Variants in ATP1A4 observed in about 807,000 individuals in gnomAD.
ATP1A4 encodes sodium/potassium-transporting ATPase subunit alpha-4.
A neutral mutation model predicts 114.3 loss-of-function variants in ATP1A4; 90 were observed. The observed-to-expected ratio is 0.79, with a 90% CI of 0.66 to 0.94. The LOEUF is 0.94. ATP1A4 is among the 40% of genes least tolerant of loss of function. The pLI is 0.00. For synonymous variants in ATP1A4, 511 were observed against 494.1 expected, an observed-to-expected ratio of 1.03 and a Z score of -0.45; for missense variants, 1,222 against 1,313.6, an observed-to-expected ratio of 0.93 and a Z score of 1.08.
rs371105909 is a variant in ATP1A4 at position 160,181,998 on chromosome 1, G to A, written c.2936G>A (p.Gly979Asp). 1.3e-5 allele frequency: 21 copies of A among 1,614,010 alleles called. No homozygotes were observed. The highest frequency in any genetic ancestry group is 1.7e-5 in the Non-Finnish European group (20 of 1,180,014). ...LLAAFLSYTP[G>D]MDVALRMYPL... is the part of the protein sequence containing the mutation. ...GCTGCATTTCTGTCCTACACTCCAG[G>A]CATGGACGTGGCCCTGCGAATGTAC... Residue 979 changes from glycine (G) to aspartate (D), a missense_variant, in exon 20 of 22, where the codon GGC (glycine) becomes GAC (aspartate). Gly to Asp is a moderately conservative substitution (Grantham distance 94, BLOSUM62 -1). Transcript: ENST00000368081.
intron 18 of ATP1A4, among the ~76,000 whole-genome samples, chr1:160,179,435 C>T (rs1292354426): frequency 6.6e-6 from 1 of 152,126 alleles, no homozygotes; most frequent in African/African-American, 2.4e-5. Flanking sequence ...GTTAAGAATT[C>T]CCCCCTGCAC....
chr1:160,186,623 G>GCC, intron 21 of ATP1A4, 48 bp from the exon 22 acceptor site: 1 of 1,594,854 alleles, frequency 6.3e-7, no homozygotes, highest in Non-Finnish European at 8.6e-7. Flanking sequence ...TCCCCTGGAT[G>GCC]CCTCTAATTC....
At chr1:160,157,368 C>T (rs1029184879) in intron 4 of ATP1A4, among the ~76,000 whole-genome samples, 1 of 152,132 alleles carries the variant, frequency 6.6e-6, no homozygotes, top group Non-Finnish European at 1.5e-5. Flanking sequence ...GCCTTGGTGT[C>T]TGTTTTTCCC....
intron 18 of ATP1A4, among the ~76,000 whole-genome samples, chr1:160,179,583 G>C (rs1215064934): frequency 6.6e-6 from 1 of 152,216 alleles, no homozygotes; most frequent in Admixed American, 6.5e-5. Context: ...CACCCGGGAA[G>C]TGCATGATGC....
At chr1:160,165,763 G>A (rs1653008089) in intron 7 of ATP1A4, among the ~76,000 whole-genome samples, 1 of 152,018 alleles carries the variant, frequency 6.6e-6, no homozygotes, top group Non-Finnish European at 1.5e-5. Flanking sequence ...AAGAACTATT[G>A]GTCCAACACC....
intron 4 of ATP1A4, among the ~76,000 whole-genome samples, chr1:160,157,070 C>CAG (rs1042938028): frequency 6.8e-6 from 1 of 147,442 alleles, no homozygotes; most frequent in East Asian, 2.0e-4. Context: ...AGCCTGGTGA[C>CAG]AGACAGAGAC....
rs372312651 is a variant in ATP1A4, at chr1:160,167,077, G to A, written c.1356G>A (p.Lys452=). ...KANQEILPIA[K]RATTGDASES... is the part of the protein sequence containing the mutation. ...ATCAGGAGATCCTGCCCATTGCTAA[G>A]GTGTCAGGCCCAAGGGGAAGAGGGT... The change falls in exon 9 of 22, where the codon AAG becomes AAA. Residue 452 remains lysine, a splice_region_variant and synonymous_variant. Coordinates refer to ENST00000368081, the MANE Select transcript of ATP1A4 (RefSeq NM_144699.4). 50 of 1,613,788 alleles carry A rather than the reference G, an allele frequency of 3.1e-5. No homozygotes were observed. The highest frequency in any genetic ancestry group is 3.9e-5 in the Non-Finnish European group (46 of 1,179,756).
Position 160,159,048 on chromosome 1 carries a change from A to C in ATP1A4, c.572A>C (p.Gln191Pro). ...GGAGAGAAGATGCAAATTAATGTAC[A>C]AGAGGTGGTGTTGGGAGACCTGGTG... ...RGGEKMQINVQEVVLGDLVEI... is the reference protein window; with the variant it reads ...RGGEKMQINVPEVVLGDLVEI... Residue 191 changes from glutamine (Q) to proline (P), a missense_variant, in exon 5 of 22, where the codon CAA becomes CCA. By Grantham distance (76) the Gln-to-Pro change is moderately conservative. Coordinates refer to ENST00000368081, the MANE Select transcript of ATP1A4 (RefSeq NM_144699.4). 1 of 1,614,058 alleles carries C rather than the reference A, an allele frequency of 6.2e-7. No individual in the cohort carries two copies. The highest frequency in any genetic ancestry group is 8.5e-7 in the Non-Finnish European group (1 of 1,179,974).
intron 13 of ATP1A4, 57 bp downstream of exon 13, chr1:160,173,774 C>T: frequency 1.3e-6 from 2 of 1,574,908 alleles, no homozygotes; most frequent in Non-Finnish European, 1.7e-6. Flanking sequence ...CAGCCTGCCC[C>T]ACCCAGATGC....
At chr1:160,181,414 G>A (rs1265636934) in intron 18 of ATP1A4, among the ~76,000 whole-genome samples, 1 of 152,086 alleles carries the variant, frequency 6.6e-6, no homozygotes, top group Non-Finnish European at 1.5e-5. Flanking sequence ...AATTAGCTGG[G>A]TGTGGTGGCA....
chr1:160,157,306 G>C (rs1461043105), intron 4 of ATP1A4, among the ~76,000 whole-genome samples: 1 of 152,208 alleles, frequency 6.6e-6, no homozygotes, highest in Admixed American at 6.5e-5. Context: ...CATAGTACCT[G>C]ATAGGTAGGT....
chr1:160,183,104 ACACT>A (rs958594691), intron 20 of ATP1A4: 5 of 152,232 alleles, frequency 3.3e-5, no homozygotes, highest in Non-Finnish European at 7.3e-5. Context: ...CTGGCCTTAG[ACACT>A]CACAATCCAA....
Position 160,159,481 on chromosome 1 carries a change from C to T in ATP1A4, c.733C>T (p.Leu245=). The change falls in exon 6 of 22, where the codon CTG becomes TTG. Residue 245 remains leucine (L), a synonymous_variant. Coordinates refer to ENST00000368081, the MANE Select transcript of ATP1A4 (RefSeq NM_144699.4). The stretch of plus-strand genomic sequence containing the variant: ...CCCTGACTTCACCCATGAGAACCCT[C>T]TGGAGACCCGAAACATCTGCTTCTT... ...RSPDFTHENP[L]ETRNICFFST... 6.2e-7 allele frequency: 1 copy of T among 1,613,392 alleles called. No homozygotes were observed. Among genetic ancestry groups the T allele is most frequent in the Non-Finnish European group, 8.5e-7 (1 of 1,179,852 alleles).
intron 12 of ATP1A4, 142 bp from the exon 13 acceptor site, chr1:160,173,439 G>T: frequency 8.3e-7 from 1 of 1,199,134 alleles, no homozygotes. Context: ...ATGGTTTTTG[G>T]TCTACACCAC....
intron 17 of ATP1A4, among the ~76,000 whole-genome samples, chr1:160,176,910 A>AGTTT (rs1571031763): frequency 9.2e-5 from 14 of 152,334 alleles, no homozygotes; most frequent in Middle Eastern, 3.4e-3. Flanking sequence ...CTTATGCAGG[A>AGTTT]AATAGGACTT....
At chr1:160,180,151 A>G (rs980499101) in intron 18 of ATP1A4, among the ~76,000 whole-genome samples, 1 of 152,200 alleles carries the variant, frequency 6.6e-6, no homozygotes, top group Non-Finnish European at 1.5e-5. Flanking sequence ...AAAATCTTCA[A>G]GAAATGATAG....
intron 19 of ATP1A4, 49 bp from the exon 20 acceptor site, chr1:160,181,881 C>G (rs1164789917): frequency 6.2e-6 from 10 of 1,613,756 alleles, no homozygotes; most frequent in Middle Eastern, 1.6e-4. Context: ...CCATTTCCCC[C>G]TGCCTTTTCT....
At chr1:160,172,827 T>A (rs1163074276) in intron 12 of ATP1A4, among the ~76,000 whole-genome samples, 2 of 152,202 alleles carry the variant, frequency 1.3e-5, no homozygotes, top group Admixed American at 1.3e-4. Flanking sequence ...TTGGGAACCC[T>A]GGGCAGTGGT....
intron 11 of ATP1A4, 45 bp from the exon 12 acceptor site, chr1:160,171,536 AATGT>A: frequency 6.2e-7 from 1 of 1,601,662 alleles, no homozygotes; most frequent in Non-Finnish European, 8.5e-7. Context: ...AGCAGATAGG[AATGT>A]AGAGTGCTGG....
Sources: gnomAD v4.1 joint callset for allele counts (sites outside exome capture counted in the v4.1 genomes callset) on GRCh38, gnomAD v4.1.1 for gene constraint, MANE v1.5 for transcripts, NCBI Gene and HGNC (gene_info 2026-07-23, HGNC 2026-07-21) for gene names.